Variants in SLC24A3 observed in about 807,000 individuals in gnomAD.
SLC24A3 encodes sodium/potassium/calcium exchanger 3.
In SLC24A3, 28 loss-of-function variants were observed where a neutral mutation model predicts 75.8. The observed-to-expected ratio is 0.37, with a 90% CI of 0.27 to 0.51. The LOEUF is 0.51. SLC24A3 is among the 20% of genes least tolerant of loss of function. The pLI is 0.94. For missense variants in SLC24A3, 663 were observed against 847.8 expected, an observed-to-expected ratio of 0.78 and a Z score of 2.71; for synonymous variants, 372 against 334.1, an observed-to-expected ratio of 1.11 and a Z score of -1.24.
intron 2 of SLC24A3, among the ~76,000 whole-genome samples, chr20:19,415,374 G>A (rs1986809459): frequency 1.3e-5 from 2 of 152,188 alleles, no homozygotes; most frequent in South Asian, 2.1e-4. Flanking sequence ...TGACCTGAAT[G>A]ACAGAAGCCA....
At chr20:19,543,148 G>C (rs2030530443) in intron 3 of SLC24A3, among the ~76,000 whole-genome samples, 1 of 152,134 alleles carries the variant, frequency 6.6e-6, no homozygotes, top group Non-Finnish European at 1.5e-5. Context: ...TTATACAGGA[G>C]AGTAAAAAAG....
intron 6 of SLC24A3, among the ~76,000 whole-genome samples, chr20:19,610,929 C>T (rs1015799251): frequency 6.6e-6 from 1 of 152,194 alleles, no homozygotes; most frequent in Admixed American, 6.5e-5. Flanking sequence ...GAAGTCCAGC[C>T]CCCATGCATG....
At chr20:19,335,448 C>G (rs1985108856) in intron 2 of SLC24A3, among the ~76,000 whole-genome samples, 1 of 152,216 alleles carries the variant, frequency 6.6e-6, no homozygotes, top group Middle Eastern at 3.2e-3. Flanking sequence ...CATCCTAGCT[C>G]TGCACACAGA....
rs113710297 is a variant in SLC24A3, at chr20:19,560,444, C to T, written c.349-19556C>T. Among the ~76,000 whole-genome samples the T allele has an allele frequency of 4.7e-4, 71 of 152,314 alleles. No individual in the cohort carries two copies. In the Middle Eastern group the frequency reaches 0.01, roughly 22 times the overall value. On this transcript the variant is annotated intron_variant, in intron 3 of 16. Coordinates refer to ENST00000328041, the MANE Select transcript of SLC24A3 (RefSeq NM_020689.4). ...CTCTAGCACTGGTAGGAGCTGCAGGCAGAAAAGTAGAAAGTCACAGGGTGA... is the reference window on the plus strand; with the variant it reads ...CTCTAGCACTGGTAGGAGCTGCAGGTAGAAAAGTAGAAAGTCACAGGGTGA...
chr20:19,709,452 T>C, intron 15 of SLC24A3, among the ~76,000 whole-genome samples: 1 of 151,920 alleles, frequency 6.6e-6, no homozygotes, highest in South Asian at 2.1e-4. Flanking sequence ...TGAAACCCTG[T>C]CCCTACTAAA....
At chr20:19,700,878 T>A (rs1468749754) in intron 15 of SLC24A3, among the ~76,000 whole-genome samples, 1 of 152,234 alleles carries the variant, frequency 6.6e-6, no homozygotes, top group Admixed American at 6.5e-5. Flanking sequence ...ACCACAGACA[T>A]CTTTGTACAT....
rs1981435946 is a variant in SLC24A3, at chr20:19,212,732, G to A, written c.-111G>A. 3 of 862,876 alleles carry A rather than the reference G, an allele frequency of 3.5e-6. No individual in the cohort carries two copies. The highest frequency in any genetic ancestry group is 4.2e-6 in the Non-Finnish European group (3 of 720,348). 53.5% of individuals were successfully genotyped at this position (862,876 alleles called of 1,614,324 possible). A position where few individuals can be genotyped will look rare whatever the true frequency, so the allele number is the denominator to read the frequency against. On this transcript the variant is annotated 5_prime_UTR_variant, in exon 1 of 17. Transcript: ENST00000328041. ...GGCGGCGGCCGGGTGGGAGCGCAGC[G>A]AGGACGCGCGGCTGCTGCGCGCAGG...
intron 2 of SLC24A3, among the ~76,000 whole-genome samples, chr20:19,391,984 A>T (rs1319611308): frequency 6.6e-6 from 1 of 152,082 alleles, no homozygotes; most frequent in Non-Finnish European, 1.5e-5. Context: ...GGTACAGATG[A>T]CCCTTCGCTT....
At chr20:19,639,028 C>A (rs2032035917) in intron 6 of SLC24A3, among the ~76,000 whole-genome samples, 1 of 152,172 alleles carries the variant, frequency 6.6e-6, no homozygotes, top group African/African-American at 2.4e-5. Flanking sequence ...CCACTGCTGG[C>A]TCCGGCAGCC....
At chr20:19,485,573 C>A (rs1417842412) in intron 2 of SLC24A3, among the ~76,000 whole-genome samples, 1 of 152,142 alleles carries the variant, frequency 6.6e-6, no homozygotes, top group East Asian at 1.9e-4. Context: ...TTGAAGGCTA[C>A]TTTTTGAAAG....
intron 2 of SLC24A3, among the ~76,000 whole-genome samples, chr20:19,410,322 G>A (rs890472918): frequency 2.0e-5 from 3 of 152,104 alleles, no homozygotes; most frequent in Non-Finnish European, 2.9e-5. Flanking sequence ...CGAACCCAGC[G>A]TGCGGTCATG....
intron 2 of SLC24A3, among the ~76,000 whole-genome samples, chr20:19,378,867 A>AG (rs1300767862): frequency 6.6e-6 from 1 of 151,630 alleles, no homozygotes; most frequent in Non-Finnish European, 1.5e-5. Context: ...GTATCACCTA[A>AG]GGCTTGAGAA....
chr20:19,278,259 C>T (rs2122220022), intron 1 of SLC24A3, among the ~76,000 whole-genome samples: 1 of 152,310 alleles, frequency 6.6e-6, no homozygotes, highest in South Asian at 2.1e-4. Flanking sequence ...AGATGCATGT[C>T]TACGCTGGCC....
intron 8 of SLC24A3, among the ~76,000 whole-genome samples, chr20:19,673,113 G>A (rs900375788): frequency 6.6e-6 from 1 of 151,962 alleles, no homozygotes; most frequent in African/African-American, 2.4e-5. Context: ...TCTTCGACTG[G>A]TACCTTCCCT....
intron 2 of SLC24A3, among the ~76,000 whole-genome samples, chr20:19,293,321 T>C (rs575648092): frequency 6.6e-6 from 1 of 152,290 alleles, no homozygotes; most frequent in Admixed American, 6.5e-5. Context: ...TGCAGGACAT[T>C]GGCCCCTTTG....
intron 2 of SLC24A3, among the ~76,000 whole-genome samples, chr20:19,302,160 A>G (rs567492541): frequency 6.6e-6 from 1 of 152,348 alleles, no homozygotes; most frequent in Non-Finnish European, 1.5e-5. Flanking sequence ...ACTGAACTTC[A>G]GGGAAGACTC....
chr20:19,281,093 A>C lies in SLC24A3; in HGVS notation c.271+6A>C. 1 of 1,614,084 alleles carries C rather than the reference A, an allele frequency of 6.2e-7. No homozygotes were observed. Among genetic ancestry groups the C allele is most frequent in the Non-Finnish European group, 8.5e-7 (1 of 1,179,928 alleles). ...CAAGAACTGCACCGAACCAGGTAAC[A>C]GTGCTGACTACTCATGGGCAGCAGC... On this transcript the variant is annotated splice_donor_region_variant and intron_variant, in intron 2 of 16. Coordinates refer to ENST00000328041, the MANE Select transcript of SLC24A3 (RefSeq NM_020689.4).
chr20:19,408,249 C>T (rs1032815375), intron 2 of SLC24A3, among the ~76,000 whole-genome samples: 2 of 152,100 alleles, frequency 1.3e-5, no homozygotes, highest in Non-Finnish European at 2.9e-5. Flanking sequence ...ATACCATTAA[C>T]ATTTAGTATA....
chr20:19,447,790 G>A (rs1987412388), intron 2 of SLC24A3, among the ~76,000 whole-genome samples: 1 of 152,178 alleles, frequency 6.6e-6, no homozygotes, highest in Non-Finnish European at 1.5e-5. Flanking sequence ...TATGCTTTTG[G>A]AAGAGACCTG....
Sources: allele counts gnomAD v4.1 joint callset (sites outside exome capture counted in the v4.1 genomes callset), GRCh38; gene constraint gnomAD v4.1.1; transcripts MANE v1.5; gene names NCBI Gene and HGNC (gene_info 2026-07-23, HGNC 2026-07-21).